Variants in PRELID2 observed in about 807,000 individuals in gnomAD.
PRELID2 encodes PRELI domain containing 2, also known as PRELI domain-containing protein 2.
A neutral mutation model predicts 28.4 loss-of-function variants in PRELID2; 25 were observed. The observed-to-expected ratio is 0.88, with a 90% confidence interval of 0.64 to 1.23. PRELID2 has a LOEUF of 1.23. Ranked by LOEUF, PRELID2 falls within the 50% of genes most tolerant of loss-of-function variation. The pLI, the probability that PRELID2 is intolerant of heterozygous loss-of-function variation, is 0.00. For missense variants in PRELID2, 201 were observed against 214.4 expected, an observed-to-expected ratio of 0.94 and a Z score of 0.39; for synonymous variants, 76 against 71.6, an observed-to-expected ratio of 1.06 and a Z score of -0.31.
At chr5:145,411,088 T>A in the PRELID2 span, among the ~76,000 whole-genome samples, 1 of 152,170 alleles carries the variant, frequency 6.6e-6, no homozygotes, top group Non-Finnish European at 1.5e-5. Context: ...TAGTCTGTTT[T>A]CATGCTGCTG....
chr5:145,652,285 C>T (rs577801290), intron 1 of PRELID2, among the ~76,000 whole-genome samples: 1 of 152,316 alleles, frequency 6.6e-6, no homozygotes, highest in South Asian at 2.1e-4. Flanking sequence ...GATTGGCATA[C>T]CTGAAAGTGA....
At chr5:145,363,891 T>G in the PRELID2 span, among the ~76,000 whole-genome samples, 1 of 152,044 alleles carries the variant, frequency 6.6e-6, no homozygotes, top group African/African-American at 2.4e-5. Flanking sequence ...CAAATTCTAA[T>G]GAAACATAGA....
chr5:145,641,289 C>A lies in PRELID2; in HGVS notation n.70+123642G>T, dbSNP rs546712924. 2.7e-5 allele frequency among the ~76,000 whole-genome samples: 4 copies of A among 150,242 alleles called. No individual in the cohort carries two copies. In the South Asian group the frequency reaches 8.4e-4, roughly 32 times the overall value. On this transcript the variant is annotated intron_variant and non_coding_transcript_variant, in intron 1 of 2. Transcript: ENST00000510259. ...ATTAGTATCCAAAACTACTATAAATCAATCAGAAAAAAAAAGAGAGAAATA... is the reference window on the plus strand; with the variant it reads ...ATTAGTATCCAAAACTACTATAAATAAATCAGAAAAAAAAAGAGAGAAATA...
the PRELID2 span, among the ~76,000 whole-genome samples, chr5:145,420,046 T>G: frequency 6.6e-6 from 1 of 151,978 alleles, no homozygotes; most frequent in Non-Finnish European, 1.5e-5. Flanking sequence ...GTTGTAGATA[T>G]GCGGCATTAT....
intron 1 of PRELID2, among the ~76,000 whole-genome samples, chr5:145,618,696 C>G (rs1171004937): frequency 1.3e-5 from 2 of 152,138 alleles, no homozygotes; most frequent in Non-Finnish European, 2.9e-5. Flanking sequence ...GGAGCATCAG[C>G]TGTGGTAGCA....
intron 1 of PRELID2, among the ~76,000 whole-genome samples, chr5:145,643,994 C>T (rs1219910440): frequency 6.6e-6 from 1 of 151,992 alleles, no homozygotes; most frequent in Non-Finnish European, 1.5e-5. Context: ...TGTGTCTCTG[C>T]CAGGTTTTGG....
the PRELID2 span, among the ~76,000 whole-genome samples, chr5:145,278,804 C>T: frequency 6.6e-6 from 1 of 152,102 alleles, no homozygotes; most frequent in Non-Finnish European, 1.5e-5. Context: ...TTTTGCCCTA[C>T]CCAGAGTGAT....
At chr5:145,720,419 A>G (rs941245160) in intron 1 of PRELID2, among the ~76,000 whole-genome samples, 1 of 151,998 alleles carries the variant, frequency 6.6e-6, no homozygotes, top group Admixed American at 6.6e-5. Context: ...CTCAAGAGCA[A>G]CATACAGATC....
In PRELID2 at chr5:145,800,229, T is replaced by A. The variant is rs569353958; in HGVS notation, c.369-3682A>T. Among the ~76,000 whole-genome samples, 12 of 151,642 alleles carry A rather than the reference T, an allele frequency of 7.9e-5. No individual in the cohort carries two copies. The South Asian group carries it at 2.3e-3, about 29-fold the overall frequency. On this transcript the variant is annotated intron_variant, in intron 4 of 6. Coordinates refer to ENST00000683046, the MANE Select transcript of PRELID2 (RefSeq NM_205846.3). The stretch of plus-strand genomic sequence containing the variant: ...AATAGCAGTAGCCTCTACATTTAGA[T>A]CATGCATACAATAAAAGGAAGCCTT...
At chr5:145,378,718 T>C in the PRELID2 span, among the ~76,000 whole-genome samples, 1 of 152,206 alleles carries the variant, frequency 6.6e-6, no homozygotes, top group Non-Finnish European at 1.5e-5. Flanking sequence ...CTTCCTTGGA[T>C]TGGGTTCCAA....
the PRELID2 span, among the ~76,000 whole-genome samples, chr5:145,342,447 T>A: frequency 6.6e-6 from 1 of 152,138 alleles, no homozygotes; most frequent in East Asian, 1.9e-4. Context: ...AAACAACCAG[T>A]AAACAATTAA....
At chr5:145,764,634 T>A (rs1057059611) in intron 6 of PRELID2, among the ~76,000 whole-genome samples, 1 of 152,250 alleles carries the variant, frequency 6.6e-6, no homozygotes, top group Admixed American at 6.5e-5. Context: ...TAATCTGAGC[T>A]GCAGTCTTTA....
chr5:145,533,865 C>T (rs1752674828), intron 1 of PRELID2, among the ~76,000 whole-genome samples: 1 of 152,050 alleles, frequency 6.6e-6, no homozygotes, highest in Admixed American at 6.6e-5. Flanking sequence ...AGGTGACCAA[C>T]TGATTGGATG....
At chr5:145,260,398 A>G in the PRELID2 span, among the ~76,000 whole-genome samples, 1 of 152,358 alleles carries the variant, frequency 6.6e-6, no homozygotes, top group East Asian at 1.9e-4. Context: ...TCACAGGGAC[A>G]TAATAAATAG....
chr5:145,248,296 T>C, the PRELID2 span, among the ~76,000 whole-genome samples: 1 of 152,108 alleles, frequency 6.6e-6, no homozygotes, highest in African/African-American at 2.4e-5. Context: ...TATGTTGTTC[T>C]CTTTGCTTAA....
the PRELID2 span, among the ~76,000 whole-genome samples, chr5:145,283,902 T>C: frequency 2.6e-5 from 4 of 152,188 alleles, no homozygotes; most frequent in Non-Finnish European, 5.9e-5. Flanking sequence ...AAAATATCTT[T>C]ATATTTTGAA....
At chr5:145,779,209 A>G (rs1758610110) in intron 5 of PRELID2, among the ~76,000 whole-genome samples, 1 of 152,222 alleles carries the variant, frequency 6.6e-6, no homozygotes, top group South Asian at 2.1e-4. Context: ...TGTGCTAGGT[A>G]CTAAGGATAA....
chr5:145,650,934 G>A (rs563701157), intron 1 of PRELID2, among the ~76,000 whole-genome samples: 87 of 152,236 alleles, frequency 5.7e-4, no homozygotes, highest in African/African-American at 1.9e-3. Flanking sequence ...GCGGCCCACC[G>A]AGCGTGAGCC....
chr5:145,337,762 CAT>C, the PRELID2 span, among the ~76,000 whole-genome samples: 24 of 115,918 alleles, frequency 2.1e-4, no homozygotes, highest in African/African-American at 2.1e-4. Flanking sequence ...CACACACACA[CAT>C]ACACGTACAT....
Sources: gnomAD v4.1 joint callset for allele counts (sites outside exome capture counted in the v4.1 genomes callset) on GRCh38, gnomAD v4.1.1 for gene constraint, MANE v1.5 for transcripts, NCBI Gene and HGNC (gene_info 2026-07-23, HGNC 2026-07-21) for gene names.